Variants in LY96 observed in about 807,000 individuals in gnomAD.
LY96 encodes the protein lymphocyte antigen 96, also known as myeloid differentiation protein-2.
In LY96, 18 loss-of-function variants were observed where a neutral mutation model predicts 18.9. The observed-to-expected ratio is 0.95, with a 90% CI of 0.66 to 1.41. The LOEUF (loss-of-function observed/expected upper bound fraction) is 1.41. LY96 is among the 40% of genes most tolerant of loss of function. The pLI, the probability that LY96 is intolerant of heterozygous loss-of-function variation, is 0.00. For missense variants in LY96, 175 were observed against 182.4 expected, an observed-to-expected ratio of 0.96 and a Z score of 0.23; for synonymous variants, 66 against 62.6, an observed-to-expected ratio of 1.06 and a Z score of -0.26.
chr8:74,093,299 CA>C, the LY96 span, among the ~76,000 whole-genome samples: 1 of 152,198 alleles, frequency 6.6e-6, no homozygotes, highest in East Asian at 1.9e-4. Flanking sequence ...TTGTTTTCTA[CA>C]TGCATGATGA....
the LY96 span, among the ~76,000 whole-genome samples, chr8:74,089,203 C>A: frequency 6.6e-6 from 1 of 152,212 alleles, no homozygotes; most frequent in African/African-American, 2.4e-5. Flanking sequence ...AAGGGCCATG[C>A]CCTGTGAGAA....
the LY96 span, among the ~76,000 whole-genome samples, chr8:74,053,159 T>C: frequency 6.6e-6 from 1 of 152,214 alleles, no homozygotes; most frequent in Non-Finnish European, 1.5e-5. Flanking sequence ...AAGGTGGGCA[T>C]GAGCCCTGAC....
intron 4 of LY96, among the ~76,000 whole-genome samples, chr8:74,027,747 T>C (rs1451819184): frequency 6.6e-6 from 1 of 152,186 alleles, no homozygotes; most frequent in East Asian, 1.9e-4. Context: ...TATATGTCTA[T>C]GTGTAAGTGT....
At chr8:74,098,539 C>A in the LY96 span, among the ~76,000 whole-genome samples, 8 of 152,232 alleles carry the variant, frequency 5.3e-5, no homozygotes, top group African/African-American at 1.7e-4. Context: ...CCACGCCCAG[C>A]TAATATTTTG....
chr8:74,039,366 A>G, the LY96 span, among the ~76,000 whole-genome samples: 14 of 152,062 alleles, frequency 9.2e-5, no homozygotes, highest in South Asian at 4.2e-4. Context: ...TTTTAACTTG[A>G]TGTGATCCTA....
the LY96 span, among the ~76,000 whole-genome samples, chr8:74,089,853 C>G: frequency 3.3e-5 from 5 of 152,010 alleles, no homozygotes; most frequent in Non-Finnish European, 7.4e-5. Flanking sequence ...GAGCAAAGAC[C>G]TTGAGGGAGT....
the LY96 span, among the ~76,000 whole-genome samples, chr8:74,067,889 C>T: frequency 2.0e-5 from 3 of 151,500 alleles, no homozygotes; most frequent in East Asian, 1.9e-4. Context: ...GGTAAAACCA[C>T]GACTCTATTA....
chr8:74,004,703 G>T, intron 1 of LY96, 93 bp from the exon 2 acceptor site: 1 of 1,177,232 alleles, frequency 8.5e-7, no homozygotes, highest in Non-Finnish European at 1.2e-6. Context: ...TAATTTTAAT[G>T]CAAGATTCAT....
At chr8:74,007,828 C>T (rs113459347) in intron 2 of LY96, among the ~76,000 whole-genome samples, 10,288 of 152,086 alleles carry the variant, frequency 0.068, 1,155 homozygotes, top group African/African-American at 0.23. Context: ...GGCGTGATCT[C>T]GGCGCACTGC....
chr8:74,000,846 C>T (rs921738718), intron 1 of LY96, among the ~76,000 whole-genome samples: 5 of 152,174 alleles, frequency 3.3e-5, no homozygotes, highest in African/African-American at 1.2e-4. Flanking sequence ...CTGCATCATC[C>T]CATGGCAGAA....
At chr8:74,028,302 A>AT (rs1347534097) in intron 4 of LY96, among the ~76,000 whole-genome samples, 3 of 151,960 alleles carry the variant, frequency 2.0e-5, no homozygotes, top group Non-Finnish European at 4.4e-5. Context: ...AAAACATAGC[A>AT]TTTTTTTCCG....
At chr8:74,045,759 A>G in the LY96 span, among the ~76,000 whole-genome samples, 2 of 152,122 alleles carry the variant, frequency 1.3e-5, no homozygotes, top group African/African-American at 4.8e-5. Context: ...GCAAAAAGCG[A>G]AGACCGCCCC....
rs58734426 is a variant in LY96 at position 73,996,317 on chromosome 8, TTTCCTTCCTTCCTTCC to T, written c.112+4799_112+4814del. Among the ~76,000 whole-genome samples, 411 of 116,382 alleles carry T rather than the reference TTTCCTTCCTTCCTTCC, an allele frequency of 3.5e-3. 3 individuals carry two copies. The highest frequency in any genetic ancestry group is 0.012 in the African/African-American group (369 of 30,850). The allele number at this position is 116,382 out of a possible 152,430, so 76.4% of individuals were successfully genotyped here. On this transcript the variant is annotated intron_variant, in intron 1 of 4. Transcript: ENST00000284818. ...CACGCTAGGCCTAAAACCTGTTTCT[TTTCCTTCCTTCCTTCC>T]TTCCTTCCTTCCTTCCTTCCTTCCT...
chr8:74,043,331 G>A, the LY96 span, among the ~76,000 whole-genome samples: 686 of 152,334 alleles, frequency 4.5e-3, 3 homozygotes, highest in African/African-American at 0.016. Flanking sequence ...CTGAAGTCCT[G>A]TGTGTCACAG....
At chr8:74,001,295 C>T (rs999135929) in intron 1 of LY96, among the ~76,000 whole-genome samples, 1 of 150,874 alleles carries the variant, frequency 6.6e-6, no homozygotes, top group Non-Finnish European at 1.5e-5. Flanking sequence ...GTGATCTCAG[C>T]TCACTGCAAC....
the LY96 span, among the ~76,000 whole-genome samples, chr8:74,042,950 G>A: frequency 6.6e-6 from 1 of 151,912 alleles, no homozygotes; most frequent in Non-Finnish European, 1.5e-5. Context: ...CTAATTTTTT[G>A]TATTTTTAGT....
the LY96 span, among the ~76,000 whole-genome samples, chr8:74,090,672 C>T: frequency 6.6e-6 from 1 of 152,088 alleles, no homozygotes; most frequent in Non-Finnish European, 1.5e-5. Context: ...GTTAGGGCTC[C>T]GTCCCCAACT....
the LY96 span, among the ~76,000 whole-genome samples, chr8:74,073,622 T>TA: frequency 1.3e-5 from 2 of 150,240 alleles, no homozygotes; most frequent in Admixed American, 6.7e-5. Context: ...TGATTAGGGG[T>TA]AAAAAAAGAG....
chr8:74,005,121 T>A (rs1816385738), intron 2 of LY96, among the ~76,000 whole-genome samples: 2 of 152,190 alleles, frequency 1.3e-5, no homozygotes, highest in South Asian at 4.1e-4. Flanking sequence ...ACAATCAAGG[T>A]GTTTGCCAGG....
Sources: allele counts gnomAD v4.1 joint callset (sites outside exome capture counted in the v4.1 genomes callset), GRCh38; gene constraint gnomAD v4.1.1; transcripts MANE v1.5; gene names NCBI Gene and HGNC (gene_info 2026-07-23, HGNC 2026-07-21).